The following PCCB variants were observed in gnomAD, a reference collection of about 807,000 sequenced individuals.
The protein encoded by PCCB is propionyl-CoA carboxylase beta chain, mitochondrial.
Under a neutral mutation model 60.7 loss-of-function variants are expected in PCCB, and 43 were observed. The ratio of observed to expected loss-of-function variants is 0.71; its 90% CI spans 0.55 to 0.91. The LOEUF (loss-of-function observed/expected upper bound fraction) is 0.91, where lower values mean the gene tolerates loss of function less well. PCCB is among the 40% of genes least tolerant of loss of function. The pLI is 0.00. For synonymous variants in PCCB, 276 were observed against 255.9 expected (o/e 1.08, Z -0.75); for missense variants, 766 against 702.8 (o/e 1.09, Z -1.02).
chr3:136,263,161 G>C (rs980269125), intron 5 of PCCB, among the ~76,000 whole-genome samples: 1 of 151,044 alleles, frequency 6.6e-6, no homozygotes, highest in Non-Finnish European at 1.5e-5. Context: ...CACCATATTA[G>C]CCAGGTTGGT....
rs1015530159 is a variant in PCCB at position 136,264,448 on chromosome 3, G to GTGTATATATATATATATATA, written c.543+2384_543+2385insGTATATATATATATATATAT. On this transcript the variant is annotated intron_variant, in intron 5 of 14. Transcript: ENST00000251654. ...CATATATATGTGTGTGTGTATATAT[G>GTGTATATATATATATATATA]TATATATATATATGTTCCTCCTGGC... is the stretch of plus-strand genomic sequence containing the variant. Among the ~76,000 whole-genome samples, 770 of 107,254 alleles carry GTGTATATATATATATATATA rather than the reference G, an allele frequency of 7.2e-3. 32 individuals carry two copies. The highest frequency in any genetic ancestry group is 0.022 in the African/African-American group (722 of 33,198). 70.4% of individuals were successfully genotyped at this position (107,254 alleles called of 152,430 possible).
chr3:136,289,789 CT>C (rs147625921), intron 6 of PCCB, among the ~76,000 whole-genome samples: 1 of 141,844 alleles, frequency 7.1e-6, no homozygotes, highest in Middle Eastern at 3.6e-3. Flanking sequence ...ACATGTTATA[CT>C]TTTTTTTTAC....
At chr3:136,301,417 C>T (rs1190454199) in intron 9 of PCCB, among the ~76,000 whole-genome samples, 1 of 152,074 alleles carries the variant, frequency 6.6e-6, no homozygotes, top group African/African-American at 2.4e-5. Flanking sequence ...TCCACAGAGT[C>T]TAGAGTGAGG....
At chr3:136,324,949 G>C (rs570538429) in intron 10 of PCCB, among the ~76,000 whole-genome samples, 36 of 152,300 alleles carry the variant, frequency 2.4e-4, no homozygotes, top group African/African-American at 7.2e-4. Context: ...CTGGAGTGCA[G>C]TGGCATGATC....
At chr3:136,282,776 A>G (rs1291394689) in intron 5 of PCCB, among the ~76,000 whole-genome samples, 4 of 152,126 alleles carry the variant, frequency 2.6e-5, no homozygotes, top group Non-Finnish European at 5.9e-5. Context: ...GTCTGGTGTT[A>G]TTTTCTTTCA....
intron 5 of PCCB, among the ~76,000 whole-genome samples, chr3:136,278,485 G>C (rs1301554955): frequency 6.6e-6 from 1 of 152,064 alleles, no homozygotes; most frequent in Non-Finnish European, 1.5e-5. Context: ...CTGCCATCTT[G>C]GTGGGGGTGG....
rs483465 is a variant in PCCB, at chr3:136,329,135, A to G, written c.1498+278A>G. 0.76 allele frequency among the ~76,000 whole-genome samples: 115,870 copies of G among 152,132 alleles called. 44,236 individuals carry two copies. The highest frequency in any genetic ancestry group is 0.86 in the East Asian group (4,446 of 5,164). Reference sequence around the variant, plus strand: ...GTGCAGAAATTCACCCTATAACTCAACAGCTTAAACTAACCACCGTTTCCC... The same window carrying G: ...GTGCAGAAATTCACCCTATAACTCAGCAGCTTAAACTAACCACCGTTTCCC... On this transcript the variant is annotated intron_variant, in intron 14 of 14. Transcript: ENST00000251654.
At chr3:136,302,153 C>G (rs1026705551) in intron 9 of PCCB, among the ~76,000 whole-genome samples, 18 of 152,090 alleles carry the variant, frequency 1.2e-4, no homozygotes, top group African/African-American at 4.3e-4. Context: ...GGACAGGGTC[C>G]TTTTATGCCC....
intron 5 of PCCB, among the ~76,000 whole-genome samples, chr3:136,272,159 C>T (rs1211447829): frequency 6.6e-6 from 1 of 152,108 alleles, no homozygotes; most frequent in Non-Finnish European, 1.5e-5. Context: ...GGATTTATCA[C>T]ATTTATTGAC....
At chr3:136,284,795 A>G (rs1328807487) in intron 6 of PCCB, among the ~76,000 whole-genome samples, 1 of 152,134 alleles carries the variant, frequency 6.6e-6, no homozygotes, top group South Asian at 2.1e-4. Flanking sequence ...TTATTAATCA[A>G]ATTTAAGATG....
rs537190180 is a variant in PCCB, at chr3:136,264,450, A to G, written c.543+2385A>G. Among the ~76,000 whole-genome samples the G allele has an allele frequency of 7.6e-5, 11 of 143,930 alleles. No homozygotes were observed. The East Asian group carries it at 8.4e-4, about 11-fold the overall frequency. 94.4% of individuals were successfully genotyped at this position (143,930 alleles called of 152,430 possible). ...TATATATGTGTGTGTGTATATATGT[A>G]TATATATATATGTTCCTCCTGGCCA... On this transcript the variant is annotated intron_variant, in intron 5 of 14. Coordinates refer to ENST00000251654, the MANE Select transcript of PCCB (RefSeq NM_000532.5).
intron 6 of PCCB, among the ~76,000 whole-genome samples, chr3:136,287,047 A>G (rs866030889): frequency 0.011 from 1,708 of 151,630 alleles, 23 homozygotes; most frequent in African/African-American, 0.04. Flanking sequence ...AAAAAAAAAA[A>G]TAATAAAAAT....
chr3:136,263,112 G>A (rs1168427806), intron 5 of PCCB, among the ~76,000 whole-genome samples: 3 of 150,960 alleles, frequency 2.0e-5, no homozygotes, highest in African/African-American at 7.3e-5. Flanking sequence ...CTGCCACCAC[G>A]CCCAGCTAAT....
chr3:136,318,583 TC>T (rs1438767362), intron 10 of PCCB, among the ~76,000 whole-genome samples: 1 of 152,240 alleles, frequency 6.6e-6, no homozygotes, highest in Non-Finnish European at 1.5e-5. Flanking sequence ...CCTTTGCTAT[TC>T]TAAATCTACT....
intron 5 of PCCB, among the ~76,000 whole-genome samples, chr3:136,280,304 G>T (rs1181209742): frequency 2.0e-5 from 3 of 152,120 alleles, no homozygotes; most frequent in Non-Finnish European, 4.4e-5. Context: ...GGATAGTTTT[G>T]CTGGATATAA....
At chr3:136,328,934 A>G (rs1935433756) in intron 14 of PCCB, 77 bp downstream of exon 14, 1 of 1,203,058 alleles carries the variant, frequency 8.3e-7, no homozygotes, top group Non-Finnish European at 1.2e-6. Context: ...AAATTGTCAC[A>G]TAACTGCCTT....
chr3:136,298,567 C>T (rs1172588330), intron 8 of PCCB, among the ~76,000 whole-genome samples: 2 of 152,194 alleles, frequency 1.3e-5, no homozygotes, highest in African/African-American at 4.8e-5. Flanking sequence ...ATGCAAACAG[C>T]ATGCCCTTTA....
At chr3:136,329,497 G>A (rs1006474057) in intron 14 of PCCB, among the ~76,000 whole-genome samples, 5 of 152,194 alleles carry the variant, frequency 3.3e-5, no homozygotes, top group African/African-American at 7.2e-5. Flanking sequence ...AAGGTTAAGC[G>A]AAGGAATACA....
chr3:136,293,500 G>A (rs1290581970), intron 6 of PCCB, among the ~76,000 whole-genome samples: 1 of 152,208 alleles, frequency 6.6e-6, no homozygotes, highest in Non-Finnish European at 1.5e-5. Context: ...TTCTACAGAT[G>A]AATGACCTTG....
Sources: allele counts gnomAD v4.1 joint callset (sites outside exome capture counted in the v4.1 genomes callset), GRCh38; gene constraint gnomAD v4.1.1; transcripts MANE v1.5; gene names NCBI Gene and HGNC (gene_info 2026-07-23, HGNC 2026-07-21).